Variants in PLEKHG2 observed in about 807,000 individuals in gnomAD.
The protein encoded by PLEKHG2 is pleckstrin homology and RhoGEF domain containing G2, also known as pleckstrin homology domain-containing family G member 2.
In PLEKHG2, 71 loss-of-function variants were observed where a neutral mutation model predicts 104.4. The ratio of observed to expected loss-of-function variants is 0.68; its 90% CI spans 0.56 to 0.83. The LOEUF (loss-of-function observed/expected upper bound fraction) is 0.83. Ranked by LOEUF, PLEKHG2 falls within the 40% of genes least tolerant of loss-of-function variation. PLEKHG2 has a pLI of 0.00. For synonymous variants in PLEKHG2, 728 were observed against 737.0 expected, an observed-to-expected ratio of 0.99 and a Z score of 0.20; for missense variants, 1,730 against 1,809.4, an observed-to-expected ratio of 0.96 and a Z score of 0.80.
At position 39,424,866 on chromosome 19, in the gene PLEKHG2, G is replaced by C; in HGVS notation, c.3733G>C (p.Ala1245Pro). The C allele has an allele frequency of 6.2e-7, 1 of 1,614,198 alleles. No homozygotes were observed. Among genetic ancestry groups the C allele is most frequent in the Non-Finnish European group, 8.5e-7 (1 of 1,180,038 alleles). ...MVLSKPGGSLASHVARLESSD... is the reference protein window; with the variant it reads ...MVLSKPGGSLPSHVARLESSD... ...TTTGTCCAAACCAGGAGGCTCCTTA[G>C]CCTCTCACGTTGCCAGGTTGGAGTC... The change falls in exon 19 of 19, where the codon GCC becomes CCC. Residue 1245 changes from alanine to proline, a missense_variant. Physicochemically the swap from Ala to Pro is conservative, Grantham distance 27. Coordinates refer to ENST00000425673, the MANE Select transcript of PLEKHG2 (RefSeq NM_022835.3).
chr19:39,425,653 C>T lies in PLEKHG2; in HGVS notation c.*359C>T. The T allele has an allele frequency of 1.8e-5, 7 of 384,384 alleles. No homozygotes were observed. Among genetic ancestry groups the T allele is most frequent in the Non-Finnish European group, 2.8e-5 (6 of 217,832 alleles). The allele number at this position is 384,384 out of a possible 1,614,324, so 23.8% of individuals were successfully genotyped here. On this transcript the variant is annotated 3_prime_UTR_variant, in exon 19 of 19. Coordinates refer to ENST00000425673, the MANE Select transcript of PLEKHG2 (RefSeq NM_022835.3). ...TTTGAGAATTATTGGAAAATGGACC[C>T]ACTATAACTTGGCGTGTGTGTGAAC...
rs1303946988 is a variant in PLEKHG2 at position 39,420,978 on chromosome 19, C to T, written c.1429C>T (p.Arg477Ter). 3 of 1,613,918 alleles carry T rather than the reference C, an allele frequency of 1.9e-6. No homozygotes were observed. Among genetic ancestry groups the T allele is most frequent in the African/African-American group, 1.3e-5 (1 of 74,916 alleles). ...APSPGPSVIR[R>*]GRRQSEPVKD... is the part of the protein sequence containing the mutation. The stretch of plus-strand genomic sequence containing the variant: ...ATCTCCTGGGCCCTCTGTGATTCGC[C>T]GAGGCCGCAGGCAGTCTGGTGAGCA... Residue 477 changes from arginine (R) to a stop codon, truncating the protein, a stop_gained, in exon 14 of 19, where the codon CGA becomes TGA. Transcript: ENST00000425673. LOFTEE classifies it high-confidence loss of function.
intron 16 of PLEKHG2, 84 bp from the exon 17 acceptor site, chr19:39,422,031 C>A: frequency 7.2e-7 from 1 of 1,394,432 alleles, no homozygotes; most frequent in Non-Finnish European, 9.6e-7. Flanking sequence ...CAAACAAACG[C>A]AAAAGAAGGG....
At chr19:39,418,350 G>A (rs145966871) in intron 9 of PLEKHG2, among the ~76,000 whole-genome samples, 4 of 152,190 alleles carry the variant, frequency 2.6e-5, no homozygotes, top group East Asian at 3.9e-4. Flanking sequence ...AGGTCAAGGC[G>A]GGCGGATCAC....
In PLEKHG2 at chr19:39,423,927, G is replaced by A. The variant is rs148576992; in HGVS notation, c.2794G>A (p.Val932Ile). 1,106 of 1,614,152 alleles carry A rather than the reference G, an allele frequency of 6.9e-4. 1 individual carries two copies. Among genetic ancestry groups the A allele is most frequent in the Non-Finnish European group, 8.7e-4 (1,031 of 1,180,000 alleles). ...TAAGCAAGACCTTCCGGGCATCCACGTTTCAGCTGCTACCCTTTTGCCTGA... is the reference window on the plus strand; with the variant it reads ...TAAGCAAGACCTTCCGGGCATCCACATTTCAGCTGCTACCCTTTTGCCTGA... ...LPKQDLPGIH[V>I]SAATLLPEQG... is the part of the protein sequence containing the mutation. The change falls in exon 19 of 19, where the codon GTT becomes ATT. Residue 932 changes from valine to isoleucine, a missense_variant. Transcript: ENST00000425673.
In PLEKHG2 at chr19:39,423,607, C is replaced by A. The variant is rs200063592; in HGVS notation, c.2553C>A (p.Ala851=). The change falls in exon 18 of 19, where the codon GCC becomes GCA. Residue 851 remains alanine, a synonymous_variant. Transcript: ENST00000425673. ...CGCGCCGCCGGCCTCGGGTTCTGGC[C>A]CAACCCCAGCCATCCCCCTGTCTGC... ...NAPRRRPRVL[A]QPQPSPCLPQ... 12 of 1,534,556 alleles carry A rather than the reference C, an allele frequency of 7.8e-6. 1 individual carries two copies. The African/African-American group carries it at 1.5e-4, about 19-fold the overall frequency.
At position 39,416,577 on chromosome 19, in the gene PLEKHG2, G is replaced by A; in HGVS notation, c.573G>A (p.Leu191=). 6.2e-7 allele frequency: 1 copy of A among 1,613,936 alleles called. No individual in the cohort carries two copies. The highest frequency in any genetic ancestry group is 8.5e-7 in the Non-Finnish European group (1 of 1,179,962). ...QRSEDFDIYT[L]YCMNYPSSLA... The stretch of plus-strand genomic sequence containing the variant: ...GCGAGGATTTTGACATCTACACATT[G>A]TACTGCATGAACTACCCGAGGTGAG... Residue 191 remains leucine (L), a synonymous_variant, in exon 6 of 19, where the codon TTG becomes TTA. Coordinates refer to ENST00000425673, the MANE Select transcript of PLEKHG2 (RefSeq NM_022835.3). This position sits in a 1 kb window ranked among gnomAD's most constrained non-coding sequence, Gnocchi z 4.5.
At position 39,418,754 on chromosome 19, in the gene PLEKHG2, CGA is replaced by C; in HGVS notation, c.1108_1109del (p.Asp373ProfsTer8). Reference sequence around the variant, plus strand: ...TCCAGTGCTGCAACCTGAGCGTGAGCGAGAGTCCCCGAGACCCTCTAGGGTTC... The same window carrying C: ...TCCAGTGCTGCAACCTGAGCGTGAGCGAGTCCCCGAGACCCTCTAGGGTTC... ...HIFCCNLSVS[E>X]SPRDPLGFKV... On this transcript the variant is annotated frameshift_variant, in exon 10 of 19. Coordinates refer to ENST00000425673, the MANE Select transcript of PLEKHG2 (RefSeq NM_022835.3). LOFTEE classifies it high-confidence loss of function. 1 of 1,612,954 alleles carries C rather than the reference CGA, an allele frequency of 6.2e-7. No homozygotes were observed. The highest frequency in any genetic ancestry group is 1.3e-5 in the African/African-American group (1 of 74,980).
At chr19:39,421,950 G>A in intron 16 of PLEKHG2, 165 bp from the exon 17 acceptor site, 4 of 596,402 alleles carry the variant, frequency 6.7e-6, no homozygotes, top group Non-Finnish European at 1.0e-5. Context: ...CCGGGAGGCG[G>A]AGATTGCAGT....
rs1427394269 is a variant in PLEKHG2, at chr19:39,423,403, C to A, written c.2349C>A (p.Gly783=). ...AACAGGGACAGCTGGCCCGGCCAGGCTTCCCAGAGCCACTGCTGATCCTGG... is the reference window on the plus strand; with the variant it reads ...AACAGGGACAGCTGGCCCGGCCAGGATTCCCAGAGCCACTGCTGATCCTGG... ...ALEQGQLARP[G]FPEPLLILED... Residue 783 remains glycine, a synonymous_variant, in exon 18 of 19, where the codon GGC becomes GGA. Transcript: ENST00000425673. 3.7e-6 allele frequency: 6 copies of A among 1,610,978 alleles called. No homozygotes were observed. The highest frequency in any genetic ancestry group is 5.1e-6 in the Non-Finnish European group (6 of 1,178,522).
chr19:39,421,155 T>C, intron 15 of PLEKHG2, 42 bp downstream of exon 15: 1 of 1,529,514 alleles, frequency 6.5e-7, no homozygotes, highest in Non-Finnish European at 8.9e-7. Context: ...TCCCTGTCTG[T>C]CGCCCGGTGG....
At position 39,425,003 on chromosome 19, in the gene PLEKHG2, G is replaced by C. The variant is rs905297615; in HGVS notation, c.3870G>C (p.Leu1290=). Residue 1290 remains leucine, a synonymous_variant, in exon 19 of 19, where the codon CTG becomes CTC. Coordinates refer to ENST00000425673, the MANE Select transcript of PLEKHG2 (RefSeq NM_022835.3). ...YLAASYISQS[L]ARRQGPGGGA... ...CAGCCTCATATATCAGCCAGAGCCT[G>C]GCTCGGCGGCAGGGGCCTGGGGGAG... The C allele has an allele frequency of 6.2e-7, 1 of 1,609,524 alleles. No homozygotes were observed. Among genetic ancestry groups the C allele is most frequent in the Non-Finnish European group, 8.5e-7 (1 of 1,177,288 alleles).
chr19:39,417,755 G>GGGGGGC, intron 8 of PLEKHG2, 63 bp downstream of exon 8: 1 of 1,525,380 alleles, frequency 6.6e-7, no homozygotes, highest in East Asian at 2.3e-5. Context: ...CTTGGGGCGG[G>GGGGGGC]TGGGGGGAAA....
At position 39,415,040 on chromosome 19, in the gene PLEKHG2, C is replaced by T. The variant is rs2078579485; in HGVS notation, c.158C>T (p.Thr53Ile). Residue 53 changes from threonine (T) to isoleucine (I), a missense_variant, in exon 3 of 19, where the codon ACA (threonine) becomes ATA (isoleucine). Transcript: ENST00000425673. This position sits in a 1 kb window ranked among gnomAD's most constrained non-coding sequence, Gnocchi z 4.6. ...MASPRGSGSS[T>I]SLSTVGSEGD... ...TCCCCCCGAGGTTCTGGGAGCTCCA[C>T]ATCCCTGAGCACAGTGGGCTCTGAG... 3.1e-6 allele frequency: 5 copies of T among 1,597,708 alleles called. No individual in the cohort carries two copies. In the Admixed American group the frequency reaches 5.1e-5, roughly 16 times the overall value.
At position 39,419,900 on chromosome 19, in the gene PLEKHG2, A is replaced by AAAAGAAAAAG. The variant is rs35332828; in HGVS notation, c.1264-723_1264-722insGAAAAAGAAA. Among the ~76,000 whole-genome samples the AAAAGAAAAAG allele has an allele frequency of 1.1e-4, 16 of 149,832 alleles. No individual in the cohort carries two copies. The East Asian group carries it at 2.8e-3, about 26-fold the overall frequency. ...GTCTCAAAAAAAAAAAAGAAAAAGA[A>AAAAGAAAAAG]AAATTAGCTGGGCATGGTGGCGCAT... On this transcript the variant is annotated intron_variant, in intron 11 of 18. Coordinates refer to ENST00000425673, the MANE Select transcript of PLEKHG2 (RefSeq NM_022835.3).
In PLEKHG2 at chr19:39,415,516, G is replaced by A. The variant is rs529044849; in HGVS notation, c.479+77G>A. ...TTCCTAATCCAAACCTCGGAGCTTC[G>A]TAGTGTCCTGTCCAGGCTGGTACGT... On this transcript the variant is annotated intron_variant, in intron 4 of 18. Transcript: ENST00000425673. The surrounding 1 kb of genome is among the most constrained non-coding windows in gnomAD (Gnocchi z 4.6). The A allele has an allele frequency of 1.1e-5, 16 of 1,481,720 alleles. No homozygotes were observed. Among genetic ancestry groups the A allele is most frequent in the East Asian group, 2.3e-5 (1 of 43,308 alleles). The allele number at this position is 1,481,720 out of a possible 1,614,324, so 91.8% of individuals were successfully genotyped here.
intron 7 of PLEKHG2, among the ~76,000 whole-genome samples, 163 bp downstream of exon 7, chr19:39,417,163 T>C (rs958114134): frequency 1.5e-4 from 23 of 151,766 alleles, no homozygotes; most frequent in African/African-American, 2.7e-4. Flanking sequence ...CTTTTTTTTT[T>C]CCCTTTGAGG....
intron 8 of PLEKHG2, 30 bp from the exon 9 acceptor site, chr19:39,417,875 G>A (rs766511999): frequency 4.0e-5 from 61 of 1,524,800 alleles, no homozygotes; most frequent in Non-Finnish European, 4.9e-5. Context: ...TTGTCTCTGC[G>A]CCCCGGCGCA....
At chr19:39,418,473 G>A (rs2078645001) in intron 9 of PLEKHG2, among the ~76,000 whole-genome samples, 1 of 152,042 alleles carries the variant, frequency 6.6e-6, no homozygotes, top group African/African-American at 2.4e-5. Flanking sequence ...CAGCTACTGG[G>A]GAGGCTGAGG....
Sources: allele counts gnomAD v4.1 joint callset (sites outside exome capture counted in the v4.1 genomes callset), GRCh38; gene constraint gnomAD v4.1.1; non-coding constraint Gnocchi (gnomAD v3.1); transcripts MANE v1.5; gene names NCBI Gene and HGNC (gene_info 2026-07-23, HGNC 2026-07-21).